The following PUM1 variants were observed in gnomAD, a reference collection of about 807,000 sequenced individuals.
PUM1 encodes the protein pumilio homolog 1.
Under a neutral mutation model 131.8 loss-of-function variants are expected in PUM1, and 13 were observed. The ratio of observed to expected loss-of-function variants is 0.10; its 90% CI spans 0.06 to 0.16. The LOEUF (loss-of-function observed/expected upper bound fraction) is 0.16, where lower values mean the gene tolerates loss of function less well. Ranked by LOEUF, PUM1 falls within the 10% of genes least tolerant of loss-of-function variation. The pLI, the probability that PUM1 is intolerant of heterozygous loss-of-function variation, is 1.00. For synonymous variants in PUM1, 509 were observed against 556.5 expected, an observed-to-expected ratio of 0.91 and a Z score of 1.20; for missense variants, 961 against 1,512.4, an observed-to-expected ratio of 0.64 and a Z score of 6.05.
At position 30,933,114 on chromosome 1, in the gene PUM1, T is replaced by C; in HGVS notation, c.*97A>G. On this transcript the variant is annotated 3_prime_UTR_variant, in exon 22 of 22. Coordinates refer to ENST00000426105, the MANE Select transcript of PUM1 (RefSeq NM_001020658.2). ...TAATCCTGGAGCAACCACTTGCCCG[T>C]CTCAGACTCTACACTAGAACATTTC... 2 of 1,432,162 alleles carry C rather than the reference T, an allele frequency of 1.4e-6. No homozygotes were observed. The highest frequency in any genetic ancestry group is 3.0e-5 in the South Asian group (2 of 66,818). The allele number at this position is 1,432,162 out of a possible 1,614,324, so 88.7% of individuals were successfully genotyped here.
At position 30,952,382 on chromosome 1, in the gene PUM1, A is replaced by T. The variant is rs1639969354; in HGVS notation, c.2592-19T>A. 26 of 1,613,534 alleles carry T rather than the reference A, an allele frequency of 1.6e-5. No individual in the cohort carries two copies. Among genetic ancestry groups the T allele is most frequent in the Non-Finnish European group, 2.2e-5 (26 of 1,179,716 alleles). On this transcript the variant is annotated intron_variant, in intron 15 of 21. Coordinates refer to ENST00000426105, the MANE Select transcript of PUM1 (RefSeq NM_001020658.2). ...AATGAATCTGAAGTACAAAGTAAAA[A>T]GGGCAATCACAGCACTGAAGGAAGA...
chr1:30,971,302 CA>C (rs1217750308), intron 10 of PUM1, among the ~76,000 whole-genome samples: 17 of 151,924 alleles, frequency 1.1e-4, no homozygotes, highest in Non-Finnish European at 2.1e-4. Context: ...GGCAGTTTAC[CA>C]AAAAAATCAT....
intron 13 of PUM1, among the ~76,000 whole-genome samples, chr1:30,965,179 G>A (rs1027445583): frequency 3.9e-5 from 6 of 152,078 alleles, no homozygotes; most frequent in African/African-American, 7.2e-5. Flanking sequence ...AAGCTCTGAC[G>A]GCCACATGAA....
At chr1:30,976,584 C>T (rs1641146545) in intron 9 of PUM1, among the ~76,000 whole-genome samples, 1 of 152,150 alleles carries the variant, frequency 6.6e-6, no homozygotes, top group Non-Finnish European at 1.5e-5. Flanking sequence ...TCAAATTGTA[C>T]CACTGCCCAA....
intron 3 of PUM1, among the ~76,000 whole-genome samples, chr1:31,019,803 G>A (rs912733009): frequency 2.0e-5 from 3 of 152,112 alleles, no homozygotes; most frequent in Non-Finnish European, 4.4e-5. Context: ...AGAGTGAATC[G>A]GGCTTTTCTG....
intron 14 of PUM1, among the ~76,000 whole-genome samples, chr1:30,960,916 C>G (rs1016058668): frequency 6.6e-6 from 1 of 151,802 alleles, no homozygotes; most frequent in African/African-American, 2.4e-5. Flanking sequence ...TATTCCAAAA[C>G]CAAGATAAAC....
chr1:30,992,751 C>T, intron 6 of PUM1, 91 bp from the exon 7 acceptor site: 2 of 1,072,454 alleles, frequency 1.9e-6, no homozygotes, highest in Non-Finnish European at 1.4e-6. Context: ...CTCAACATAG[C>T]TCATTATCAA....
chr1:31,047,841 C>G (rs1162003651), intron 2 of PUM1, among the ~76,000 whole-genome samples: 2 of 152,178 alleles, frequency 1.3e-5, no homozygotes, highest in Non-Finnish European at 2.9e-5. Context: ...ACTGGGGAGG[C>G]TGAGGCATTG....
chr1:31,009,782 A>AAAAAAAAAAACAAAAAC (rs375044466), intron 3 of PUM1, among the ~76,000 whole-genome samples: 23 of 125,342 alleles, frequency 1.8e-4, no homozygotes, highest in Non-Finnish European at 2.1e-4. Flanking sequence ...AAAAAAAAAA[A>AAAAAAAAAAACAAAAAC]AAAAACAAAA....
intron 18 of PUM1, among the ~76,000 whole-genome samples, chr1:30,944,991 G>A (rs12135102): frequency 0.3 from 46,189 of 152,112 alleles, 7,400 homozygotes; most frequent in Non-Finnish European, 0.34. Flanking sequence ...CAGCAACTTC[G>A]GGAGGCTGAG....
At chr1:31,038,972 A>ATTTTTTTTTTTTTT (rs1557599132) in intron 2 of PUM1, among the ~76,000 whole-genome samples, 1 of 30,100 alleles carries the variant, frequency 3.3e-5, no homozygotes, top group African/African-American at 2.8e-4. Context: ...ATATATATAT[A>ATTTTTTTTTTTTTT]TATATATATA....
chr1:30,971,145 A>T (rs1259748822), intron 10 of PUM1, among the ~76,000 whole-genome samples: 1 of 152,218 alleles, frequency 6.6e-6, no homozygotes, highest in Non-Finnish European at 1.5e-5. Context: ...AAAGTCTAAT[A>T]AATCACAAAA....
At chr1:30,936,224 C>T (rs1639203503) in intron 21 of PUM1, among the ~76,000 whole-genome samples, 1 of 151,576 alleles carries the variant, frequency 6.6e-6, no homozygotes, top group Non-Finnish European at 1.5e-5. Context: ...CATCTCTGTG[C>T]TGATGAAGTC....
At chr1:30,953,601 C>T (rs543959844) in intron 15 of PUM1, 113 bp downstream of exon 15, 32 of 1,172,504 alleles carry the variant, frequency 2.7e-5, no homozygotes, top group South Asian at 4.4e-5. Context: ...CTAAGAGGCA[C>T]GCTTTTAAAA....
chr1:30,941,301 A>C, intron 19 of PUM1, 29 bp from the exon 20 acceptor site: 1 of 1,599,064 alleles, frequency 6.3e-7, no homozygotes. Flanking sequence ...GAGAAATAAA[A>C]TGTATGTGAA....
chr1:31,045,143 C>CA (rs1398922893), intron 2 of PUM1, among the ~76,000 whole-genome samples: 1 of 139,100 alleles, frequency 7.2e-6, no homozygotes, highest in Non-Finnish European at 1.6e-5. Flanking sequence ...TGTAAAGCTG[C>CA]TTTTTTTTTT....
chr1:30,974,942 T>C, intron 9 of PUM1, 140 bp from the exon 10 acceptor site: 1 of 593,464 alleles, frequency 1.7e-6, no homozygotes, highest in South Asian at 2.7e-5. Flanking sequence ...TAGCTAATCA[T>C]TAACTCTTTT....
At chr1:30,969,316 CAAAAAAAA>C (rs763999971) in intron 10 of PUM1, among the ~76,000 whole-genome samples, 1 of 51,180 alleles carries the variant, frequency 2.0e-5, no homozygotes, top group African/African-American at 7.4e-5. Flanking sequence ...AACACACACA[CAAAAAAAA>C]AAAAAAAAAA....
chr1:31,055,403 A>C (rs1199879156), intron 2 of PUM1: 2 of 456,302 alleles, frequency 4.4e-6, no homozygotes, highest in Non-Finnish European at 4.4e-6. Context: ...CATGAAAAAC[A>C]CAAGTCTCTG....
Sources: allele counts gnomAD v4.1 joint callset (sites outside exome capture counted in the v4.1 genomes callset), GRCh38; gene constraint gnomAD v4.1.1; transcripts MANE v1.5; gene names NCBI Gene and HGNC (gene_info 2026-07-23, HGNC 2026-07-21).